WDR18: variants seen among roughly 807,000 people sequenced by gnomAD.
The protein encoded by WDR18 is WD repeat domain 18, also known as WD repeat-containing protein 18.
A neutral mutation model predicts 49.6 loss-of-function variants in WDR18; 33 were observed. The ratio of observed to expected loss-of-function variants is 0.67; its 90% CI spans 0.50 to 0.89. The LOEUF (loss-of-function observed/expected upper bound fraction) is 0.89, where lower values mean the gene tolerates loss of function less well. WDR18 is among the 40% of genes least tolerant of loss of function. The pLI, the probability that WDR18 is intolerant of heterozygous loss-of-function variation, is 0.00. For missense variants in WDR18, 653 were observed against 593.6 expected (o/e 1.10, Z -1.04); for synonymous variants, 315 against 263.6 (o/e 1.19, Z -1.89).
Position 994,509 on chromosome 19 carries a change from C to T in WDR18, c.*165C>T, listed in dbSNP as rs140714843. 42 of 980,690 alleles carry T rather than the reference C, an allele frequency of 4.3e-5. No homozygotes were observed. Among genetic ancestry groups the T allele is most frequent in the Non-Finnish European group, 5.7e-5 (39 of 683,902 alleles). The allele number at this position is 980,690 out of a possible 1,614,324, so 60.7% of individuals were successfully genotyped here. ...TGGGCCGTCTTGGTGTCTCGTGGCA[C>T]GCGTCACAGTGGTGCTAGTCTGTTT... On this transcript the variant is annotated 3_prime_UTR_variant, in exon 10 of 10. Transcript: ENST00000585809.
intron 7 of WDR18, among the ~76,000 whole-genome samples, chr19:991,650 T>C (rs1255287581): frequency 3.8e-5 from 2 of 51,964 alleles, no homozygotes; most frequent in Non-Finnish European, 6.8e-5. Context: ...GGGCGTGGAC[T>C]GGCTGTGGGG....
Position 989,905 on chromosome 19 carries a change from T to C in WDR18, c.455+10T>C. ...TTTGGAGCCTCTGCAGGTAGCGCCT[T>C]GCGCACTCAGGCCTGCACCTGGAAC... On this transcript the variant is annotated intron_variant, in intron 3 of 9. Coordinates refer to ENST00000585809, the MANE Select transcript of WDR18 (RefSeq NM_024100.4). 6.3e-7 allele frequency: 1 copy of C among 1,597,802 alleles called. No homozygotes were observed. The highest frequency in any genetic ancestry group is 2.2e-5 in the East Asian group (1 of 44,762).
Position 991,069 on chromosome 19 carries a change from C to T in WDR18, c.742-12C>T, listed in dbSNP as rs377311631. On this transcript the variant is annotated splice_polypyrimidine_tract_variant and intron_variant, in intron 5 of 9. Transcript: ENST00000585809. ...TCGGGCCTGCGGCTCACACACGTCT[C>T]GGCCTTCGCAGCCCGGACAGAGGGA... The T allele has an allele frequency of 1.4e-4, 228 of 1,603,464 alleles. No homozygotes were observed. In the African/African-American group the frequency reaches 2.4e-3, roughly 17 times the overall value.
Position 994,266 on chromosome 19 carries a change from C to G in WDR18, c.1221C>G (p.Asp407Glu). The change falls in exon 10 of 10, where the codon GAC becomes GAG. Residue 407 changes from aspartate to glutamate, a missense_variant. Asp to Glu is a conservative substitution (Grantham distance 45). Coordinates refer to ENST00000585809, the MANE Select transcript of WDR18 (RefSeq NM_024100.4). ...GCGTCCGTGTGACGGAGCTGGAGGA[C>G]GAGGTGCGCAACCTGCGCAAGATCA... ...QLRVRVTELEDEVRNLRKINR... is the reference protein window; with the variant it reads ...QLRVRVTELEEEVRNLRKINR... 7 of 1,609,610 alleles carry G rather than the reference C, an allele frequency of 4.3e-6. No homozygotes were observed. Among genetic ancestry groups the G allele is most frequent in the Non-Finnish European group, 5.9e-6 (7 of 1,178,818 alleles).
At chr19:987,794 C>T (rs1165997067) in intron 2 of WDR18, among the ~76,000 whole-genome samples, 1 of 149,706 alleles carries the variant, frequency 6.7e-6, no homozygotes, top group African/African-American at 2.5e-5. Flanking sequence ...TGGGTGGCAC[C>T]CACTGCCAGA....
intron 4 of WDR18, 99 bp from the exon 5 acceptor site, chr19:990,753 G>A: frequency 6.7e-7 from 1 of 1,484,176 alleles, no homozygotes. Context: ...CCTAGGGCCA[G>A]AGGACAGCCG....
intron 2 of WDR18, among the ~76,000 whole-genome samples, chr19:988,073 G>A (rs1187017291): frequency 7.9e-5 from 12 of 151,960 alleles, no homozygotes; most frequent in African/African-American, 1.5e-4. Flanking sequence ...CAGGTGATCC[G>A]CCCTTCTCAG....
chr19:990,174 C>G, intron 3 of WDR18, 49 bp from the exon 4 acceptor site: 1 of 1,554,574 alleles, frequency 6.4e-7, no homozygotes, highest in Non-Finnish European at 8.7e-7. Flanking sequence ...GTGGACTGCC[C>G]TGTTCCCTCC....
chr19:986,580 T>G (rs1045121934), intron 2 of WDR18, among the ~76,000 whole-genome samples: 1 of 152,168 alleles, frequency 6.6e-6, no homozygotes, highest in Admixed American at 6.5e-5. Flanking sequence ...GTGCCTCCTT[T>G]TTCTTACCGC....
chr19:987,107 C>T (rs552485038), intron 2 of WDR18, among the ~76,000 whole-genome samples: 4 of 152,200 alleles, frequency 2.6e-5, no homozygotes, highest in Non-Finnish European at 5.9e-5. Context: ...CTTTGGGAGG[C>T]TGAGACGGGC....
chr19:990,777 C>A lies in WDR18; in HGVS notation c.598-75C>A. ...AGAGGACAGCCGACGCCTGACCTCC[C>A]TGGTGCCCCTGTTCCCATGGGGTCC... On this transcript the variant is annotated intron_variant, in intron 4 of 9. Transcript: ENST00000585809. 2.0e-6 allele frequency: 3 copies of A among 1,517,076 alleles called. No individual in the cohort carries two copies. The South Asian group carries it at 3.9e-5, about 20-fold the overall frequency. 94.0% of individuals were successfully genotyped at this position (1,517,076 alleles called of 1,614,324 possible). A position where few individuals can be genotyped will look rare whatever the true frequency, so the allele number is the denominator to read the frequency against.
intron 1 of WDR18, among the ~76,000 whole-genome samples, chr19:985,020 CCA>C (rs2038461134): frequency 1.3e-5 from 2 of 152,220 alleles, no homozygotes; most frequent in South Asian, 2.1e-4. Flanking sequence ...TCACCGTCGC[CCA>C]CAGTTTCCCC....
In WDR18 at chr19:990,756, G is replaced by A. The variant is rs752402062; in HGVS notation, c.598-96G>A. ...AAAGTCGCAAGCCCTAGGGCCAGAG[G>A]ACAGCCGACGCCTGACCTCCCTGGT... On this transcript the variant is annotated intron_variant, in intron 4 of 9. Coordinates refer to ENST00000585809, the MANE Select transcript of WDR18 (RefSeq NM_024100.4). 2.4e-5 allele frequency: 35 copies of A among 1,487,764 alleles called. No homozygotes were observed. In the Middle Eastern group the frequency reaches 4.6e-3, roughly 197 times the overall value. 92.2% of individuals were successfully genotyped at this position (1,487,764 alleles called of 1,614,324 possible).
At chr19:991,812 G>A in intron 7 of WDR18, 143 bp from the exon 8 acceptor site, 1 of 927,622 alleles carries the variant, frequency 1.1e-6, no homozygotes. Context: ...TGGTCGTGGG[G>A]CGGGGCCTGG....
chr19:984,714 T>TG (rs1264174332), intron 1 of WDR18, 151 bp downstream of exon 1: 6 of 815,344 alleles, frequency 7.4e-6, no homozygotes, highest in Non-Finnish European at 1.0e-5. Flanking sequence ...TGCGCGGGTC[T>TG]GGGGGCTTTG....
chr19:992,437 C>A (rs1419079773), intron 8 of WDR18, among the ~76,000 whole-genome samples: 1 of 152,248 alleles, frequency 6.6e-6, no homozygotes, highest in Non-Finnish European at 1.5e-5. Flanking sequence ...AAGGCCGATG[C>A]CCCATACTTC....
chr19:985,772 C>T, intron 1 of WDR18, 93 bp from the exon 2 acceptor site: 3 of 1,159,490 alleles, frequency 2.6e-6, no homozygotes, highest in Non-Finnish European at 3.8e-6. Flanking sequence ...TCTGACTTAG[C>T]CATTGCCCAG....
upstream of WDR18, among the ~76,000 whole-genome samples, chr19:983,573 T>C (rs1317310950): frequency 6.6e-6 from 1 of 151,520 alleles, no homozygotes; most frequent in African/African-American, 2.4e-5. Context: ...TTTTTTTTTT[T>C]TGAATGCCGT....
chr19:991,883 G>T lies in WDR18; in HGVS notation c.932-72G>T, dbSNP rs2038559598. 3.6e-6 allele frequency: 5 copies of T among 1,406,918 alleles called. No homozygotes were observed. In the Admixed American group the frequency reaches 1.4e-4, roughly 39 times the overall value. 87.2% of individuals were successfully genotyped at this position (1,406,918 alleles called of 1,614,324 possible). On this transcript the variant is annotated intron_variant, in intron 7 of 9. Coordinates refer to ENST00000585809, the MANE Select transcript of WDR18 (RefSeq NM_024100.4). ...CTGGGGGCGGGGACTGCCCTGGATG[G>T]GGCGGAACTTGGCTTGCTGTGGGGT...
Sources: allele counts gnomAD v4.1 joint callset (sites outside exome capture counted in the v4.1 genomes callset), GRCh38; gene constraint gnomAD v4.1.1; transcripts MANE v1.5; gene names NCBI Gene and HGNC (gene_info 2026-07-23, HGNC 2026-07-21).